Variants in RANBP2 observed in about 807,000 individuals in gnomAD.
RANBP2 encodes the protein E3 SUMO-protein ligase RanBP2.
A neutral mutation model predicts 303.6 loss-of-function variants in RANBP2; 57 were observed. The observed-to-expected ratio is 0.19, with a 90% CI of 0.15 to 0.23. The LOEUF (loss-of-function observed/expected upper bound fraction) is 0.23. RANBP2 is among the 10% of genes least tolerant of loss of function. RANBP2 has a pLI of 1.00. For synonymous variants in RANBP2, 1,167 were observed against 1,301.5 expected, an observed-to-expected ratio of 0.90 and a Z score of 2.23; for missense variants, 3,138 against 3,780.8, an observed-to-expected ratio of 0.83 and a Z score of 4.46.
At chr2:108,985,862 C>CCATT in the RANBP2 span, among the ~76,000 whole-genome samples, 8 of 152,086 alleles carry the variant, frequency 5.3e-5, no homozygotes, top group Admixed American at 3.3e-4. Context: ...ATGAAGGAGC[C>CCATT]CATTCATTCA....
chr2:109,025,041 C>T, the RANBP2 span, among the ~76,000 whole-genome samples: 13 of 152,002 alleles, frequency 8.6e-5, no homozygotes, highest in African/African-American at 3.1e-4. Flanking sequence ...TGCTGGTAAC[C>T]GTTCCCTCTA....
the RANBP2 span, chr2:109,613,045 A>C: frequency 1.8e-6 from 1 of 541,526 alleles, no homozygotes; most frequent in East Asian, 6.8e-5. Flanking sequence ...AAAAATTAAA[A>C]GGGAGAATTT....
At chr2:109,151,084 C>T in the RANBP2 span, among the ~76,000 whole-genome samples, 85 of 152,314 alleles carry the variant, frequency 5.6e-4, 1 homozygote, top group South Asian at 0.017. Context: ...AGCCAACAGC[C>T]ACACCAATGT....
the RANBP2 span, among the ~76,000 whole-genome samples, chr2:109,722,362 G>T: frequency 6.6e-6 from 1 of 152,192 alleles, no homozygotes; most frequent in Non-Finnish European, 1.5e-5. Flanking sequence ...GTGTGAACAT[G>T]CTCATAGCTG....
chr2:108,925,089 C>T, the RANBP2 span, among the ~76,000 whole-genome samples: 2 of 152,252 alleles, frequency 1.3e-5, no homozygotes, highest in South Asian at 4.1e-4. Flanking sequence ...GGGGATTGGT[C>T]CCGCTCCTGG....
the RANBP2 span, among the ~76,000 whole-genome samples, chr2:108,906,583 T>G: frequency 1.3e-5 from 2 of 152,146 alleles, no homozygotes; most frequent in Non-Finnish European, 2.9e-5. Flanking sequence ...CACGGGTGCG[T>G]CTTAGGCTCA....
chr2:109,590,057 T>C, the RANBP2 span, among the ~76,000 whole-genome samples: 4 of 146,778 alleles, frequency 2.7e-5, no homozygotes, highest in Non-Finnish European at 6.0e-5. Flanking sequence ...TATGTGTGTG[T>C]ATATATATAC....
chr2:109,548,775 C>CAAAAAAAAAA, the RANBP2 span, among the ~76,000 whole-genome samples: 3 of 63,594 alleles, frequency 4.7e-5, no homozygotes, highest in Non-Finnish European at 9.0e-5. Flanking sequence ...GGCTCCATCT[C>CAAAAAAAAAA]AAAAAAAAAA....
chr2:109,294,589 T>TAA, the RANBP2 span, among the ~76,000 whole-genome samples: 38 of 141,430 alleles, frequency 2.7e-4, no homozygotes, highest in South Asian at 6.7e-4. Context: ...AAAAAAAAGG[T>TAA]AAAAAAAAAA....
the RANBP2 span, among the ~76,000 whole-genome samples, chr2:109,116,609 C>G: frequency 6.6e-6 from 1 of 152,238 alleles, no homozygotes; most frequent in Non-Finnish European, 1.5e-5. Flanking sequence ...GTTTGATCAT[C>G]TGAAGCCTTC....
At chr2:109,486,614 A>G in the RANBP2 span, among the ~76,000 whole-genome samples, 2 of 152,174 alleles carry the variant, frequency 1.3e-5, no homozygotes, top group African/African-American at 2.4e-5. Context: ...GGCAGATGGT[A>G]CCCTTCCAAA....
the RANBP2 span, among the ~76,000 whole-genome samples, chr2:109,658,486 T>C: frequency 1.3e-5 from 2 of 152,074 alleles, no homozygotes; most frequent in Non-Finnish European, 2.9e-5. Context: ...CACAATATTC[T>C]CTTTTTATTT....
intron 25 of RANBP2, among the ~76,000 whole-genome samples, chr2:108,779,292 G>A (rs1371060267): frequency 2.6e-5 from 4 of 152,094 alleles, no homozygotes; most frequent in Admixed American, 6.6e-5. Flanking sequence ...CTCCTGAGTA[G>A]CTGGGATTAC....
intron 8 of RANBP2, among the ~76,000 whole-genome samples, chr2:108,747,868 C>A (rs1464848787): frequency 6.6e-6 from 1 of 152,158 alleles, no homozygotes; most frequent in Admixed American, 6.5e-5. Context: ...TTAGTATGTT[C>A]ATAGAGTATT....
the RANBP2 span, among the ~76,000 whole-genome samples, chr2:109,428,737 G>A: frequency 6.6e-6 from 1 of 152,358 alleles, no homozygotes; most frequent in Non-Finnish European, 1.5e-5. Context: ...CAGAGGTGAT[G>A]TCTGAGCATG....
downstream of RANBP2, chr2:108,788,031 G>A (rs1476278828): frequency 2.7e-6 from 4 of 1,477,426 alleles, no homozygotes; most frequent in African/African-American, 1.5e-5. Flanking sequence ...TTTTTTTTTA[G>A]TATGATTTTT....
the RANBP2 span, among the ~76,000 whole-genome samples, chr2:109,524,680 G>A: frequency 6.6e-6 from 1 of 151,978 alleles, no homozygotes; most frequent in Non-Finnish European, 1.5e-5. Flanking sequence ...GGGAGGCAGA[G>A]GTTGCAGTGA....
the RANBP2 span, among the ~76,000 whole-genome samples, chr2:109,299,817 T>A: frequency 6.6e-6 from 1 of 152,152 alleles, no homozygotes; most frequent in East Asian, 1.9e-4. Flanking sequence ...ATTTATTGAT[T>A]AAAATGCTTA....
At chr2:109,434,987 C>T in the RANBP2 span, among the ~76,000 whole-genome samples, 1 of 152,190 alleles carries the variant, frequency 6.6e-6, no homozygotes, top group African/African-American at 2.4e-5. Flanking sequence ...GCCCGGTCCC[C>T]TCCCTCTACC....
Sources: allele counts gnomAD v4.1 joint callset (sites outside exome capture counted in the v4.1 genomes callset), GRCh38; gene constraint gnomAD v4.1.1; transcripts MANE v1.5; gene names NCBI Gene and HGNC (gene_info 2026-07-23, HGNC 2026-07-21).